Variants in SMYD3 observed in about 807,000 individuals in gnomAD.
SMYD3 encodes histone-lysine N-methyltransferase SMYD3.
A neutral mutation model predicts 57.7 loss-of-function variants in SMYD3; 36 were observed. The ratio of observed to expected loss-of-function variants is 0.62; its 90% CI spans 0.48 to 0.82. SMYD3 has a LOEUF of 0.82. Among genes scored for constraint, SMYD3 ranks in the 40% least tolerant of loss-of-function variants. SMYD3 has a pLI of 0.00. For synonymous variants in SMYD3, 211 were observed against 195.0 expected (o/e 1.08, Z -0.68); for missense variants, 515 against 538.8 (o/e 0.96, Z 0.44).
chr1:245,882,455 G>A (rs2052836690), intron 8 of SMYD3, among the ~76,000 whole-genome samples: 1 of 152,096 alleles, frequency 6.6e-6, no homozygotes, highest in Non-Finnish European at 1.5e-5. Flanking sequence ...TCACTACAAT[G>A]AGCCAAAAAT....
chr1:246,076,604 T>C (rs982736634), intron 5 of SMYD3, among the ~76,000 whole-genome samples: 1 of 152,120 alleles, frequency 6.6e-6, no homozygotes, highest in Non-Finnish European at 1.5e-5. Flanking sequence ...AAAATAAGTC[T>C]AAGGCATGTC....
At chr1:246,126,480 T>C (rs1185466817) in intron 5 of SMYD3, among the ~76,000 whole-genome samples, 2 of 152,212 alleles carry the variant, frequency 1.3e-5, no homozygotes, top group Non-Finnish European at 2.9e-5. Context: ...GAATGCAACA[T>C]CCTTAAATGT....
At chr1:245,797,077 T>C (rs994856268) in intron 10 of SMYD3, among the ~76,000 whole-genome samples, 1 of 152,182 alleles carries the variant, frequency 6.6e-6, no homozygotes, top group Admixed American at 6.5e-5. Context: ...TTTTCAAGAA[T>C]AGTTACTACA....
At chr1:246,068,872 T>G (rs2060394656) in intron 5 of SMYD3, among the ~76,000 whole-genome samples, 1 of 152,172 alleles carries the variant, frequency 6.6e-6, no homozygotes, top group Admixed American at 6.5e-5. Context: ...ACCTCCAACT[T>G]ATGCCTTACC....
intron 1 of SMYD3, among the ~76,000 whole-genome samples, chr1:246,390,845 T>C (rs1162703165): frequency 6.6e-6 from 1 of 152,058 alleles, no homozygotes; most frequent in Non-Finnish European, 1.5e-5. Context: ...AGTACAGCAC[T>C]AGAGCAACAA....
chr1:246,137,996 C>T (rs2061688858), intron 5 of SMYD3, among the ~76,000 whole-genome samples: 1 of 152,144 alleles, frequency 6.6e-6, no homozygotes, highest in Admixed American at 6.5e-5. Context: ...CCCCATTACA[C>T]ACACAAACAC....
Position 246,154,226 on chromosome 1 carries a change from G to A in SMYD3, c.531+172975C>T, listed in dbSNP as rs528315951. On this transcript the variant is annotated intron_variant, in intron 5 of 11. Transcript: ENST00000490107. ...CTCCGATGGCTTCATTGTGCCATCC[G>A]CTCTGCTTCTATCGCTACTAACTAT... is the stretch of plus-strand genomic sequence containing the variant. Among the ~76,000 whole-genome samples the A allele has an allele frequency of 1.1e-4, 17 of 152,292 alleles. No homozygotes were observed. The South Asian group carries it at 3.1e-3, about 28-fold the overall frequency.
chr1:246,415,733 T>G (rs1037371439), intron 1 of SMYD3, among the ~76,000 whole-genome samples: 1 of 152,160 alleles, frequency 6.6e-6, no homozygotes, highest in African/African-American at 2.4e-5. Context: ...TTTCACCATT[T>G]TTTCACTCTT....
At chr1:246,078,848 A>C (rs1221074355) in intron 5 of SMYD3, among the ~76,000 whole-genome samples, 5 of 152,200 alleles carry the variant, frequency 3.3e-5, no homozygotes, top group Admixed American at 6.5e-5. Flanking sequence ...GGTTTCCTCT[A>C]AACAGTCATT....
rs553705852 is a variant in SMYD3 at position 246,079,630 on chromosome 1, T to C, written c.532-149693A>G. On this transcript the variant is annotated intron_variant, in intron 5 of 11. Transcript: ENST00000490107. ...CCCGACTGTCTGTCACTCACAGAAT[T>C]CAAGGCACATATGAAGTGCTCAATA... Among the ~76,000 whole-genome samples the C allele has an allele frequency of 3.9e-5, 6 of 152,282 alleles. No individual in the cohort carries two copies. In the South Asian group the frequency reaches 1.2e-3, roughly 32 times the overall value.
intron 5 of SMYD3, among the ~76,000 whole-genome samples, chr1:245,971,319 T>G (rs562820283): frequency 6.6e-6 from 1 of 152,148 alleles, no homozygotes; most frequent in South Asian, 2.1e-4. Context: ...AGGGGAGAGA[T>G]AGCATTAGAA....
chr1:245,805,295 G>C (rs2048099286), intron 10 of SMYD3, among the ~76,000 whole-genome samples: 1 of 152,186 alleles, frequency 6.6e-6, no homozygotes, highest in East Asian at 1.9e-4. Flanking sequence ...CTCATCAGAA[G>C]CAAGAAGCTG....
chr1:246,086,649 G>T (rs964966868), intron 5 of SMYD3, among the ~76,000 whole-genome samples: 2 of 151,936 alleles, frequency 1.3e-5, no homozygotes, highest in Non-Finnish European at 2.9e-5. Context: ...CAGAGAGAGA[G>T]AAGGGAAATC....
At chr1:246,036,232 T>C (rs1440840244) in intron 5 of SMYD3, among the ~76,000 whole-genome samples, 2 of 152,220 alleles carry the variant, frequency 1.3e-5, no homozygotes, top group South Asian at 2.1e-4. Flanking sequence ...CTGATAATTA[T>C]TGAAAGCCAC....
chr1:246,434,840 T>G (rs942108026), intron 1 of SMYD3, among the ~76,000 whole-genome samples: 6 of 152,190 alleles, frequency 3.9e-5, no homozygotes, highest in African/African-American at 1.4e-4. Flanking sequence ...AAGAGACACA[T>G]GTACGTATAT....
intron 5 of SMYD3, among the ~76,000 whole-genome samples, chr1:246,070,675 T>C (rs966382539): frequency 3.9e-5 from 6 of 152,104 alleles, no homozygotes; most frequent in Admixed American, 2.6e-4. Flanking sequence ...AATGGCGAGA[T>C]AAAGTGGAGA....
At chr1:245,982,476 C>A (rs945947871) in intron 5 of SMYD3, among the ~76,000 whole-genome samples, 1 of 152,128 alleles carries the variant, frequency 6.6e-6, no homozygotes, top group Non-Finnish European at 1.5e-5. Flanking sequence ...AATTTCTGAT[C>A]AAATGTGAAA....
intron 10 of SMYD3, among the ~76,000 whole-genome samples, chr1:245,798,316 G>T (rs1558351129): frequency 1.6e-5 from 1 of 63,270 alleles, no homozygotes; most frequent in Non-Finnish European, 3.6e-5. Flanking sequence ...AGCCAGAGCG[G>T]CCCCGGCCCA....
At chr1:246,058,483 C>G (rs939097033) in intron 5 of SMYD3, among the ~76,000 whole-genome samples, 1 of 152,198 alleles carries the variant, frequency 6.6e-6, no homozygotes, top group East Asian at 1.9e-4. Context: ...TAACCTGAAG[C>G]AGCACGTTAT....
Sources: gnomAD v4.1 joint callset for allele counts (sites outside exome capture counted in the v4.1 genomes callset) on GRCh38, gnomAD v4.1.1 for gene constraint, MANE v1.5 for transcripts, NCBI Gene and HGNC (gene_info 2026-07-23, HGNC 2026-07-21) for gene names.